CDH13: variants seen among roughly 807,000 people sequenced by gnomAD.
CDH13 encodes cadherin 13, also known as cadherin-13.
Under a neutral mutation model 63.8 loss-of-function variants are expected in CDH13, and 24 were observed. That is an observed-to-expected ratio of 0.38 (90% CI 0.27 to 0.53). The LOEUF (loss-of-function observed/expected upper bound fraction) is 0.53, where lower values mean the gene tolerates loss of function less well. Ranked by LOEUF, CDH13 falls within the 20% of genes least tolerant of loss-of-function variation. The pLI is 0.85. For missense variants in CDH13, 1,049 were observed against 903.1 expected, an observed-to-expected ratio of 1.16 and a Z score of -2.07; for synonymous variants, 503 against 355.3, an observed-to-expected ratio of 1.42 and a Z score of -4.67.
chr16:83,192,239 G>C (rs1215117225), intron 4 of CDH13, among the ~76,000 whole-genome samples: 1 of 152,162 alleles, frequency 6.6e-6, no homozygotes. Flanking sequence ...GGCCGCTTCT[G>C]TAAACACTGT....
intron 6 of CDH13, among the ~76,000 whole-genome samples, chr16:83,406,320 C>G (rs1208934776): frequency 6.6e-6 from 1 of 152,170 alleles, no homozygotes; most frequent in African/African-American, 2.4e-5. Context: ...CTTCCTGAAT[C>G]TCCCACCATC....
rs71382861 is a variant in CDH13, at chr16:83,045,634, T to TAA, written c.366+13440_366+13441dup. On this transcript the variant is annotated intron_variant, in intron 3 of 13. Transcript: ENST00000567109. ...TCTGGGCGACAGATCAAGATTCCTT[T>TAA]AAAAAAAAAAAAAAAAAAAAAAAAA... 1.5e-3 allele frequency among the ~76,000 whole-genome samples: 160 copies of TAA among 107,898 alleles called. 1 individual carries two copies. The highest frequency in any genetic ancestry group is 1.6e-3 in the Non-Finnish European group (85 of 54,720). 70.8% of individuals were successfully genotyped at this position (107,898 alleles called of 152,430 possible).
chr16:83,090,561 G>A (rs1275248765), intron 3 of CDH13, among the ~76,000 whole-genome samples: 2 of 119,178 alleles, frequency 1.7e-5, no homozygotes, highest in African/African-American at 3.4e-5. Context: ...GCGACAAAGC[G>A]AAACTGCATC....
chr16:83,657,952 T>C (rs1028638118), intron 8 of CDH13, among the ~76,000 whole-genome samples: 4 of 148,388 alleles, frequency 2.7e-5, no homozygotes, highest in African/African-American at 1.0e-4. Flanking sequence ...TCCCATATCC[T>C]CACCAGCAAG....
intron 7 of CDH13, among the ~76,000 whole-genome samples, chr16:83,503,371 A>G (rs962889584): frequency 1.3e-5 from 2 of 152,194 alleles, no homozygotes; most frequent in African/African-American, 2.4e-5. Context: ...AATTAGAGAG[A>G]TTCGGATGGG....
chr16:82,761,329 A>C (rs1274841013), intron 1 of CDH13, among the ~76,000 whole-genome samples: 1 of 152,108 alleles, frequency 6.6e-6, no homozygotes, highest in East Asian at 1.9e-4. Flanking sequence ...ATTTCAACAC[A>C]TGAGATTTGG....
chr16:82,860,533 T>C (rs1470176426), intron 2 of CDH13, among the ~76,000 whole-genome samples: 2 of 152,138 alleles, frequency 1.3e-5, no homozygotes, highest in South Asian at 4.1e-4. Flanking sequence ...AAGTCAGTGA[T>C]ATGAGAATTG....
intron 5 of CDH13, among the ~76,000 whole-genome samples, chr16:83,296,914 A>G (rs2089612482): frequency 6.6e-6 from 1 of 152,188 alleles, no homozygotes; most frequent in South Asian, 2.1e-4. Context: ...GGCATATTCC[A>G]TAGATGAAGA....
chr16:83,089,615 G>C (rs751255648), intron 3 of CDH13, among the ~76,000 whole-genome samples: 1 of 152,216 alleles, frequency 6.6e-6, no homozygotes, highest in African/African-American at 2.4e-5. Context: ...TCACAGTTTA[G>C]TGGAAGATTG....
chr16:82,921,949 T>G (rs933832175), intron 2 of CDH13, among the ~76,000 whole-genome samples: 5 of 152,194 alleles, frequency 3.3e-5, no homozygotes, highest in African/African-American at 1.2e-4. Context: ...TTTTAACTGT[T>G]TTCTGCTATT....
intron 2 of CDH13, among the ~76,000 whole-genome samples, chr16:82,984,657 G>A (rs912464104): frequency 1.1e-4 from 16 of 152,116 alleles, no homozygotes; most frequent in Non-Finnish European, 1.5e-4. Flanking sequence ...TATGATTCCC[G>A]CTTTACAGAT....
At chr16:83,622,601 AC>A (rs1277769574) in intron 8 of CDH13, among the ~76,000 whole-genome samples, 2 of 152,340 alleles carry the variant, frequency 1.3e-5, no homozygotes, top group South Asian at 2.1e-4. Flanking sequence ...GGTTTTACTC[AC>A]TGGAGAATTT....
intron 3 of CDH13, among the ~76,000 whole-genome samples, chr16:83,035,697 G>C (rs949556212): frequency 5.3e-5 from 8 of 152,130 alleles, no homozygotes; most frequent in Non-Finnish European, 7.4e-5. Context: ...GGTCTACGAG[G>C]GAAATGTTGG....
intron 6 of CDH13, among the ~76,000 whole-genome samples, chr16:83,485,770 C>A (rs1402057270): frequency 6.6e-6 from 1 of 152,144 alleles, no homozygotes; most frequent in African/African-American, 2.4e-5. Context: ...TGAGCTCCTG[C>A]ACACCCAGGA....
At chr16:83,332,637 C>G (rs970329725) in intron 5 of CDH13, among the ~76,000 whole-genome samples, 13 of 152,134 alleles carry the variant, frequency 8.5e-5, no homozygotes, top group African/African-American at 3.1e-4. Context: ...TTGTACATAT[C>G]CTTAATAGAT....
intron 3 of CDH13, among the ~76,000 whole-genome samples, chr16:83,098,383 A>G (rs1039881081): frequency 6.6e-6 from 1 of 152,174 alleles, no homozygotes; most frequent in African/African-American, 2.4e-5. Context: ...ACTTTAAACA[A>G]TCAATTTTCC....
intron 2 of CDH13, among the ~76,000 whole-genome samples, chr16:83,028,854 T>A (rs959391854): frequency 6.6e-6 from 1 of 152,170 alleles, no homozygotes; most frequent in Non-Finnish European, 1.5e-5. Context: ...ACTACTGTAT[T>A]CAGGTTTTGA....
At chr16:82,757,416 G>A (rs1182762663) in intron 1 of CDH13, among the ~76,000 whole-genome samples, 1 of 109,450 alleles carries the variant, frequency 9.1e-6, no homozygotes, top group Non-Finnish European at 2.2e-5. Context: ...TGGGTATAGG[G>A]CAGCTCTCAC....
At chr16:82,700,832 GC>G (rs140875072) in intron 1 of CDH13, among the ~76,000 whole-genome samples, 373 of 151,590 alleles carry the variant, frequency 2.5e-3, no homozygotes, top group African/African-American at 8.5e-3. Context: ...TTTCTATATA[GC>G]CGCTATCCCA....
Sources: allele counts gnomAD v4.1 joint callset (sites outside exome capture counted in the v4.1 genomes callset), GRCh38; gene constraint gnomAD v4.1.1; transcripts MANE v1.5; gene names NCBI Gene and HGNC (gene_info 2026-07-23, HGNC 2026-07-21).